DZANK1: variants seen among roughly 807,000 people sequenced by gnomAD.
DZANK1 encodes the protein double zinc ribbon and ankyrin repeat domains 1, also known as double zinc ribbon and ankyrin repeat-containing protein 1.
A neutral mutation model predicts 94.5 loss-of-function variants in DZANK1; 91 were observed. That is an observed-to-expected ratio of 0.96 (90% CI 0.81 to 1.15). The LOEUF (loss-of-function observed/expected upper bound fraction) is 1.15. Among genes scored for constraint, DZANK1 ranks in the 50% most tolerant of loss-of-function variants. The probability of loss-of-function intolerance (pLI) is 0.00; values close to 1 mark genes in which losing one functional copy is unlikely to be tolerated. For missense variants in DZANK1, 903 were observed against 916.4 expected, an observed-to-expected ratio of 0.99 and a Z score of 0.19; for synonymous variants, 312 against 325.3, an observed-to-expected ratio of 0.96 and a Z score of 0.44.
Position 18,438,957 on chromosome 20 carries a change from C to T in DZANK1, c.747+4390G>A, listed in dbSNP as rs538966940. Among the ~76,000 whole-genome samples, 4 of 152,318 alleles carry T rather than the reference C, an allele frequency of 2.6e-5. No individual in the cohort carries two copies. The East Asian group carries it at 7.7e-4, about 29-fold the overall frequency. On this transcript the variant is annotated intron_variant, in intron 8 of 20. Transcript: ENST00000262547. ...AGACCCAACCTTCTAACACCATCAC[C>T]TTGGGGGTTGGGATTTCAACATACG...
At position 18,460,191 on chromosome 20, in the gene DZANK1, A is replaced by C. The variant is rs2059427554; in HGVS notation, c.225T>G (p.Pro75=). 3.2e-6 allele frequency: 5 copies of C among 1,574,092 alleles called. No individual in the cohort carries two copies. The East Asian group carries it at 9.0e-5, about 28-fold the overall frequency. Residue 75 remains proline (P), a synonymous_variant, in exon 3 of 21, where the codon CCT becomes CCG. Transcript: ENST00000262547. ...TAGCTTTAACTTGTATTTTTCCATCAGGCAGAGTAATAGGTTTTATATACT... is the reference window on the plus strand; with the variant it reads ...TAGCTTTAACTTGTATTTTTCCATCCGGCAGAGTAATAGGTTTTATATACT...
At chr20:18,411,689 G>C (rs984761764) in intron 13 of DZANK1, among the ~76,000 whole-genome samples, 1 of 152,158 alleles carries the variant, frequency 6.6e-6, no homozygotes, top group African/African-American at 2.4e-5. Context: ...TATAAATATA[G>C]ACACAAAAGT....
At chr20:18,463,833 A>C (rs1029156664) in intron 2 of DZANK1, among the ~76,000 whole-genome samples, 25 of 151,860 alleles carry the variant, frequency 1.6e-4, no homozygotes, top group South Asian at 4.2e-4. Context: ...AAATGCAGAT[A>C]GTTTGTACAC....
In DZANK1 at chr20:18,453,725, T is replaced by C; in HGVS notation, c.475+6A>G. ...AAAACCTTGTCTTTGTTCTGTCACA[T>C]CATACCTGGAAACTTTCTAAGGTTA... On this transcript the variant is annotated splice_donor_region_variant and intron_variant, in intron 5 of 20. Coordinates refer to ENST00000262547, the Ensembl canonical transcript of DZANK1. 1.9e-6 allele frequency: 3 copies of C among 1,597,752 alleles called. No individual in the cohort carries two copies. Among genetic ancestry groups the C allele is most frequent in the Non-Finnish European group, 2.6e-6 (3 of 1,166,306 alleles).
chr20:18,416,054 C>T (rs2057474624), intron 10 of DZANK1, among the ~76,000 whole-genome samples: 1 of 152,200 alleles, frequency 6.6e-6, no homozygotes. Context: ...TGCTACCTGA[C>T]CACCCACCAT....
At chr20:18,419,006 A>G (rs572763654) in intron 10 of DZANK1, among the ~76,000 whole-genome samples, 6 of 152,198 alleles carry the variant, frequency 3.9e-5, no homozygotes, top group South Asian at 2.1e-4. Context: ...TCATGCCTGT[A>G]ATCTCAGCAC....
intron 17 of DZANK1, among the ~76,000 whole-genome samples, chr20:18,392,568 G>A (rs1438391098): frequency 1.3e-5 from 2 of 152,230 alleles, no homozygotes; most frequent in African/African-American, 2.4e-5. Flanking sequence ...TCTTTGTATT[G>A]CAGCCAAGGA....
At chr20:18,394,903 A>G (rs1293913959) in intron 15 of DZANK1, 2 of 456,650 alleles carry the variant, frequency 4.4e-6, no homozygotes, top group Non-Finnish European at 8.8e-6. Flanking sequence ...GCATGTCGTG[A>G]AAGCAAAATG....
At chr20:18,424,469 C>CAAAA (rs1259005733) in intron 10 of DZANK1, among the ~76,000 whole-genome samples, 65 of 101,056 alleles carry the variant, frequency 6.4e-4, no homozygotes, top group Non-Finnish European at 1.1e-3. Flanking sequence ...ACAACAACAA[C>CAAAA]AAAAAAAAAA....
chr20:18,388,469 C>G (rs1431879575), intron 19 of DZANK1, among the ~76,000 whole-genome samples: 1 of 152,230 alleles, frequency 6.6e-6, no homozygotes, highest in Non-Finnish European at 1.5e-5. Context: ...AGGACTCACG[C>G]TGCTTACACT....
chr20:18,389,336 G>A (rs2048704691), intron 19 of DZANK1, among the ~76,000 whole-genome samples: 1 of 152,134 alleles, frequency 6.6e-6, no homozygotes, highest in African/African-American at 2.4e-5. Flanking sequence ...ATATTTTCAT[G>A]GGGAATACAC....
chr20:18,440,828 CTCTA>C (rs2058694724), intron 8 of DZANK1, among the ~76,000 whole-genome samples: 1 of 152,244 alleles, frequency 6.6e-6, no homozygotes, highest in Non-Finnish European at 1.5e-5. Flanking sequence ...CACCTGCCAT[CTCTA>C]TCTGAGTTTC....
intron 7 of DZANK1, among the ~76,000 whole-genome samples, chr20:18,446,064 CAAA>C (rs144762783): frequency 8.0e-6 from 1 of 124,652 alleles, no homozygotes; most frequent in Non-Finnish European, 1.7e-5. Flanking sequence ...CACGCCCAGC[CAAA>C]AAAAAAAAAA....
At chr20:18,427,786 T>G (rs1041280586) in intron 9 of DZANK1, among the ~76,000 whole-genome samples, 17 of 152,154 alleles carry the variant, frequency 1.1e-4, no homozygotes, top group Admixed American at 9.8e-4. Flanking sequence ...TGGGGCTTCA[T>G]GTTAAATATG....
chr20:18,395,989 T>C (rs1439977596), intron 15 of DZANK1, among the ~76,000 whole-genome samples: 6 of 152,204 alleles, frequency 3.9e-5, no homozygotes, highest in Non-Finnish European at 5.9e-5. Context: ...TCTCAATTGA[T>C]TGATTAATTA....
chr20:18,422,374 C>T (rs1196630842), intron 10 of DZANK1, among the ~76,000 whole-genome samples: 1 of 152,044 alleles, frequency 6.6e-6, no homozygotes, highest in Non-Finnish European at 1.5e-5. Flanking sequence ...TATTTCTGGG[C>T]TCTCTATTCT....
chr20:18,387,679 A>C (rs1307888303), intron 19 of DZANK1, among the ~76,000 whole-genome samples: 1 of 152,196 alleles, frequency 6.6e-6, no homozygotes, highest in Non-Finnish European at 1.5e-5. Context: ...AAGAGGAATG[A>C]GCTTTGGTGG....
chr20:18,418,753 T>A (rs1239262141), intron 10 of DZANK1, among the ~76,000 whole-genome samples: 1 of 152,062 alleles, frequency 6.6e-6, no homozygotes, highest in Non-Finnish European at 1.5e-5. Context: ...AAGCATATTC[T>A]GTCCACAATG....
intron 3 of DZANK1, among the ~76,000 whole-genome samples, chr20:18,457,991 T>C (rs1348537986): frequency 6.6e-6 from 1 of 152,248 alleles, no homozygotes; most frequent in Non-Finnish European, 1.5e-5. Context: ...ACCTTTCCTA[T>C]GCTGTCCTTT....
Sources: gnomAD v4.1 joint callset for allele counts (sites outside exome capture counted in the v4.1 genomes callset) on GRCh38, gnomAD v4.1.1 for gene constraint, MANE v1.5 for transcripts, NCBI Gene and HGNC (gene_info 2026-07-23, HGNC 2026-07-21) for gene names.